Variants in STRN observed in about 807,000 individuals in gnomAD.
The protein encoded by STRN is striatin.
A neutral mutation model predicts 96.3 loss-of-function variants in STRN; 53 were observed. The ratio of observed to expected loss-of-function variants is 0.55; its 90% CI spans 0.44 to 0.69. The LOEUF is 0.69. Ranked by LOEUF, STRN falls within the 30% of genes least tolerant of loss-of-function variation. The pLI is 0.00. For synonymous variants in STRN, 428 were observed against 355.9 expected (o/e 1.20, Z -2.28); for missense variants, 987 against 963.9 (o/e 1.02, Z -0.32).
intron 7 of STRN, among the ~76,000 whole-genome samples, chr2:36,893,003 G>C (rs143998403): frequency 1.3e-5 from 2 of 152,052 alleles, no homozygotes; most frequent in Non-Finnish European, 2.9e-5. Context: ...CTGGGTGACA[G>C]AGTGAGACTC....
chr2:36,938,692 A>G (rs1160644109), intron 1 of STRN, among the ~76,000 whole-genome samples: 4 of 152,176 alleles, frequency 2.6e-5, no homozygotes, highest in African/African-American at 9.7e-5. Flanking sequence ...TTAAGAATAA[A>G]TAACTATTTG....
intron 1 of STRN, among the ~76,000 whole-genome samples, chr2:36,957,730 GTTC>G (rs967994406): frequency 2.3e-5 from 3 of 131,878 alleles, no homozygotes; most frequent in East Asian, 2.3e-4. Context: ...TAGTCTCATA[GTTC>G]TTCTTTTTGT....
At chr2:36,863,151 T>C (rs943689174) in intron 12 of STRN, among the ~76,000 whole-genome samples, 1 of 152,210 alleles carries the variant, frequency 6.6e-6, no homozygotes, top group Non-Finnish European at 1.5e-5. Context: ...ATCGTTCTAA[T>C]GTGTGCAGAA....
chr2:36,884,916 C>T (rs899454803), intron 8 of STRN, among the ~76,000 whole-genome samples: 5 of 152,014 alleles, frequency 3.3e-5, no homozygotes, highest in Non-Finnish European at 7.4e-5. Context: ...TAAGTCTTTA[C>T]TTGTTCCTAG....
chr2:36,913,128 C>T (rs1039755576), intron 3 of STRN, among the ~76,000 whole-genome samples: 1 of 152,204 alleles, frequency 6.6e-6, no homozygotes, highest in Non-Finnish European at 1.5e-5. Flanking sequence ...GTTGCCCCAT[C>T]TCCAACGTTG....
At chr2:36,904,942 CA>C (rs1356235377) in intron 4 of STRN, among the ~76,000 whole-genome samples, 1 of 148,512 alleles carries the variant, frequency 6.7e-6, no homozygotes, top group Non-Finnish European at 1.5e-5. Flanking sequence ...TAAAACATAA[CA>C]AAATTGCATG....
chr2:36,965,184 G>A lies in STRN; in HGVS notation c.234+1046C>T, dbSNP rs1019427610. Among the ~76,000 whole-genome samples, 30 of 152,242 alleles carry A rather than the reference G, an allele frequency of 2.0e-4. No individual in the cohort carries two copies. The Middle Eastern group carries it at 0.014, about 69-fold the overall frequency. The stretch of plus-strand genomic sequence containing the variant: ...ACTGGGTAGCATTTTAAACTCAAGT[G>A]TTTTGCCAACTAAAACTATACTCAA... On this transcript the variant is annotated intron_variant, in intron 1 of 17. Coordinates refer to ENST00000263918, the MANE Select transcript of STRN (RefSeq NM_003162.4).
At chr2:36,962,135 C>G (rs922443243) in intron 1 of STRN, among the ~76,000 whole-genome samples, 1 of 152,138 alleles carries the variant, frequency 6.6e-6, no homozygotes, top group Non-Finnish European at 1.5e-5. Flanking sequence ...TGTTGTATCT[C>G]CGGTATCTAG....
At chr2:36,887,832 A>G (rs2540918) in intron 7 of STRN, among the ~76,000 whole-genome samples, 130,983 of 152,186 alleles carry the variant, frequency 0.86, 58,109 homozygotes, top group Non-Finnish European at 0.96. Context: ...AAAATTTAAA[A>G]ACTATGTTAT....
chr2:36,904,403 G>C (rs2691116), intron 4 of STRN, among the ~76,000 whole-genome samples: 132,085 of 152,202 alleles, frequency 0.87, 58,788 homozygotes, highest in Non-Finnish European at 0.96. Flanking sequence ...GCACAAATCT[G>C]AATATGAGTT....
chr2:36,907,636 T>C (rs1669858522), intron 3 of STRN, among the ~76,000 whole-genome samples: 1 of 152,188 alleles, frequency 6.6e-6, no homozygotes, highest in Non-Finnish European at 1.5e-5. Flanking sequence ...ACCTCAAAGA[T>C]AGGTACTTAG....
chr2:36,963,488 C>T (rs902435112), intron 1 of STRN, among the ~76,000 whole-genome samples: 8 of 152,050 alleles, frequency 5.3e-5, no homozygotes, highest in Non-Finnish European at 1.0e-4. Flanking sequence ...TCAAATGTAA[C>T]GATGGTAATA....
At chr2:36,885,468 A>G (rs890380497) in intron 8 of STRN, among the ~76,000 whole-genome samples, 3 of 152,154 alleles carry the variant, frequency 2.0e-5, no homozygotes, top group African/African-American at 7.2e-5. Context: ...TAAATTGTCT[A>G]TCAGTAAGTA....
Position 36,846,531 on chromosome 2 carries a change from A to C in STRN, c.*2925T>G, listed in dbSNP as rs1397533438. ...AATAAATCTTCATCATTATCTCCAAAAGAAATTTATAGCAAGAATACTGAA... is the reference window on the plus strand; with the variant it reads ...AATAAATCTTCATCATTATCTCCAACAGAAATTTATAGCAAGAATACTGAA... On this transcript the variant is annotated 3_prime_UTR_variant, in exon 18 of 18. Coordinates refer to ENST00000263918, the MANE Select transcript of STRN (RefSeq NM_003162.4). 6.7e-6 allele frequency: 1 copy of C among 148,572 alleles called. No homozygotes were observed. The highest frequency in any genetic ancestry group is 1.5e-5 in the Non-Finnish European group (1 of 67,410). 9.2% of individuals were successfully genotyped at this position (148,572 alleles called of 1,614,324 possible).
chr2:36,856,291 C>T (rs1322515891), intron 14 of STRN, among the ~76,000 whole-genome samples: 2 of 152,084 alleles, frequency 1.3e-5, no homozygotes, highest in East Asian at 1.9e-4. Context: ...AAATAAACAT[C>T]CACCTGAAAG....
Position 36,849,509 on chromosome 2 carries a change from T to G in STRN, c.2290A>C (p.Lys764Gln). Residue 764 changes from lysine (K) to glutamine (Q), a missense_variant, in exon 18 of 18, where the codon AAA (lysine) becomes CAA (glutamine). Coordinates refer to ENST00000263918, the MANE Select transcript of STRN (RefSeq NM_003162.4). ...SIHDVAFHPS[K>Q]CYIASAGADA... Reference sequence around the variant, plus strand: ...GCTCCAGCACTGGCTATATAGCATTTGGATGGGTGGAAAGCTACATCATGA... The same window carrying G: ...GCTCCAGCACTGGCTATATAGCATTGGGATGGGTGGAAAGCTACATCATGA... 1 of 1,614,176 alleles carries G rather than the reference T, an allele frequency of 6.2e-7. No individual in the cohort carries two copies. Among genetic ancestry groups the G allele is most frequent in the Non-Finnish European group, 8.5e-7 (1 of 1,180,002 alleles).
At position 36,842,121 on chromosome 2, in the gene STRN, C is replaced by T. The variant is rs1165873280; in HGVS notation, c.*7335G>A. ...TGGATGCCAGCATACTTTAACATTT[C>T]GGCACATATACAAACCACAAGCTGT... is the stretch of plus-strand genomic sequence containing the variant. On this transcript the variant is annotated 3_prime_UTR_variant, in exon 18 of 18. Coordinates refer to ENST00000263918, the MANE Select transcript of STRN (RefSeq NM_003162.4). 4 of 152,168 alleles carry T rather than the reference C, an allele frequency of 2.6e-5. No individual in the cohort carries two copies. Among genetic ancestry groups the T allele is most frequent in the African/African-American group, 9.7e-5 (4 of 41,430 alleles). 9.4% of individuals were successfully genotyped at this position (152,168 alleles called of 1,614,324 possible). A position where few individuals can be genotyped will look rare whatever the true frequency, so the allele number is the denominator to read the frequency against.
At chr2:36,940,246 TAA>T (rs1331116013) in intron 1 of STRN, among the ~76,000 whole-genome samples, 6 of 152,102 alleles carry the variant, frequency 3.9e-5, no homozygotes, top group African/African-American at 4.8e-5. Context: ...AGAAGAAATA[TAA>T]GAGAAATAAT....
chr2:36,894,067 G>A (rs146523802), intron 6 of STRN, 34 bp from the exon 7 acceptor site: 1 of 1,594,958 alleles, frequency 6.3e-7, no homozygotes. Flanking sequence ...AAATAAAGGA[G>A]ATAGTTTCCC....
Sources: allele counts gnomAD v4.1 joint callset (sites outside exome capture counted in the v4.1 genomes callset), GRCh38; gene constraint gnomAD v4.1.1; transcripts MANE v1.5; gene names NCBI Gene and HGNC (gene_info 2026-07-23, HGNC 2026-07-21).